Variants in NPHP4 observed in about 807,000 individuals in gnomAD.
The protein encoded by NPHP4 is nephrocystin-4.
In NPHP4, 151 loss-of-function variants were observed where a neutral mutation model predicts 155.8. That is an observed-to-expected ratio of 0.97 (90% CI 0.85 to 1.11). The LOEUF (loss-of-function observed/expected upper bound fraction) is 1.11. Ranked by LOEUF, NPHP4 falls within the 50% of genes least tolerant of loss-of-function variation. The pLI is 0.00. For synonymous variants in NPHP4, 845 were observed against 816.8 expected (o/e 1.03, Z -0.59); for missense variants, 1,956 against 1,925.7 (o/e 1.02, Z -0.29).
intron 11 of NPHP4, among the ~76,000 whole-genome samples, chr1:5,913,241 G>A (rs1196070399): frequency 4.0e-5 from 6 of 151,706 alleles, no homozygotes; most frequent in African/African-American, 1.2e-4. Flanking sequence ...AGATGGGGTT[G>A]CCAGCACACA....
chr1:5,934,533 C>T (rs12118477), intron 9 of NPHP4, among the ~76,000 whole-genome samples: 17,982 of 152,158 alleles, frequency 0.12, 1,367 homozygotes, highest in Non-Finnish European at 0.17. Flanking sequence ...CCACTTGCTA[C>T]GGCTTCCCCC....
rs928734701 is a variant in NPHP4 at position 5,944,889 on chromosome 1, G to A, written c.1119+2215C>T. ...GGAGACTGAGGCAGGAGAGTCACTT[G>A]AACCCAGGAGGCGGAGGTTGCAGTG... On this transcript the variant is annotated intron_variant, in intron 9 of 29. Transcript: ENST00000378156. This position sits in a 1 kb window ranked among gnomAD's most constrained non-coding sequence, Gnocchi z 4.3. 5.3e-5 allele frequency among the ~76,000 whole-genome samples: 8 copies of A among 152,108 alleles called. No homozygotes were observed. Among genetic ancestry groups the A allele is most frequent in the Non-Finnish European group, 8.8e-5 (6 of 68,014 alleles).
intron 13 of NPHP4, among the ~76,000 whole-genome samples, chr1:5,906,451 C>T (rs963048366): frequency 7.9e-5 from 12 of 152,228 alleles, no homozygotes; most frequent in African/African-American, 2.9e-4. Flanking sequence ...TCTCATGCGC[C>T]AATAATAAAA....
chr1:5,951,459 A>G (rs533758564), intron 7 of NPHP4, among the ~76,000 whole-genome samples: 1 of 152,242 alleles, frequency 6.6e-6, no homozygotes, highest in Non-Finnish European at 1.5e-5. Context: ...CCCACAACCC[A>G]GGTCTGAGGG....
chr1:5,981,703 A>G (rs1178475544), intron 2 of NPHP4, among the ~76,000 whole-genome samples: 1 of 152,256 alleles, frequency 6.6e-6, no homozygotes, highest in East Asian at 1.9e-4. Context: ...TATAGAATTT[A>G]TATGAATTCT....
chr1:5,963,542 G>A (rs896336057), intron 5 of NPHP4, among the ~76,000 whole-genome samples: 6 of 152,050 alleles, frequency 3.9e-5, no homozygotes, highest in African/African-American at 7.2e-5. Flanking sequence ...CTCTGGGGGC[G>A]GGGCACACAG....
rs1481579013 is a variant in NPHP4, at chr1:5,948,215, G to A, written c.847C>T (p.Leu283=). ...ACGCCCACACGCAGGCGCCGCTCCA[G>A]GATCTCCAGGGCACCACCGTCCAGT... ...GPLDGGALEI[L]ERRLRVGVHN... The change falls in exon 8 of 30, where the codon CTG becomes TTG. Residue 283 remains leucine, a synonymous_variant. Transcript: ENST00000378156. 1 of 1,596,192 alleles carries A rather than the reference G, an allele frequency of 6.3e-7. No individual in the cohort carries two copies. The highest frequency in any genetic ancestry group is 1.1e-5 in the South Asian group (1 of 88,938).
At chr1:5,919,595 T>A (rs796224782) in intron 11 of NPHP4, among the ~76,000 whole-genome samples, 24 of 152,270 alleles carry the variant, frequency 1.6e-4, no homozygotes, top group African/African-American at 5.8e-4. Context: ...ACAAGCCCCA[T>A]CTGAGTCAGC....
rs890957347 is a variant in NPHP4 at position 5,865,177 on chromosome 1, G to T, written c.3741C>A (p.Arg1247=). The T allele has an allele frequency of 3.7e-6, 6 of 1,613,076 alleles. No individual in the cohort carries two copies. In the Admixed American group the frequency reaches 6.7e-5, roughly 18 times the overall value. Reference sequence around the variant, plus strand: ...GTGTCCCCCGAAGGACAAGGGACAGGCGGGTCAGCTGGCCTGCGACGCAGG... The same window carrying T: ...GTGTCCCCCGAAGGACAAGGGACAGTCGGGTCAGCTGGCCTGCGACGCAGG... The part of the protein sequence containing the change: ...DVSCVAGQLT[R]LSLVLRGTQT... The change falls in exon 27 of 30, where the codon CGC becomes CGA. Residue 1247 remains arginine (R), a synonymous_variant. Transcript: ENST00000378156.
intron 1 of NPHP4, among the ~76,000 whole-genome samples, chr1:5,988,132 T>C (rs11120974): frequency 0.015 from 2,262 of 152,324 alleles, 54 homozygotes; most frequent in African/African-American, 0.052. Context: ...CCACCCAAAG[T>C]GCAAGACAGA....
rs943206678 is a variant in NPHP4 at position 5,873,752 on chromosome 1, G to A, written c.3232-417C>T. 8.5e-5 allele frequency: 24 copies of A among 283,710 alleles called. 1 individual carries two copies. The highest frequency in any genetic ancestry group is 7.0e-4 in the South Asian group (20 of 28,562). The allele number at this position is 283,710 out of a possible 1,614,324, so 17.6% of individuals were successfully genotyped here. ...ACCCCATGCCGGCCTCACGCACCCG[G>A]GCATGACACACCCCCTGCAGGCACA... is the stretch of plus-strand genomic sequence containing the variant. On this transcript the variant is annotated intron_variant, in intron 22 of 29. Coordinates refer to ENST00000378156, the MANE Select transcript of NPHP4 (RefSeq NM_015102.5).
chr1:5,894,045 T>C (rs1012134189), intron 16 of NPHP4, among the ~76,000 whole-genome samples: 4 of 152,244 alleles, frequency 2.6e-5, no homozygotes, highest in East Asian at 1.9e-4. Flanking sequence ...TGATTAATGA[T>C]ACTCATATAT....
At chr1:5,956,945 G>C (rs1047903980) in intron 6 of NPHP4, among the ~76,000 whole-genome samples, 8 of 152,174 alleles carry the variant, frequency 5.3e-5, no homozygotes, top group African/African-American at 1.9e-4. Context: ...ACGTGGAGCA[G>C]ACAACCGCCA....
chr1:5,902,963 T>C lies in NPHP4; in HGVS notation c.2143+1654A>G, dbSNP rs914101225. ...GGCCAGAGAAAGTTATAAAATTAGA[T>C]TTGATACCGATTCTCTCAGTATAGG... On this transcript the variant is annotated intron_variant, in intron 16 of 29. Coordinates refer to ENST00000378156, the MANE Select transcript of NPHP4 (RefSeq NM_015102.5). 3.4e-4 allele frequency among the ~76,000 whole-genome samples: 51 copies of C among 152,218 alleles called. 1 individual carries two copies. The highest frequency in any genetic ancestry group is 3.3e-3 in the Admixed American group (50 of 15,280).
At chr1:5,921,802 T>C (rs1645752086) in intron 11 of NPHP4, among the ~76,000 whole-genome samples, 1 of 152,258 alleles carries the variant, frequency 6.6e-6, no homozygotes, top group Non-Finnish European at 1.5e-5. Context: ...TTTTAGGCCA[T>C]CTGGAATTTA....
At chr1:5,925,894 C>T (rs945564135) in intron 11 of NPHP4, among the ~76,000 whole-genome samples, 6 of 152,178 alleles carry the variant, frequency 3.9e-5, no homozygotes, top group Non-Finnish European at 8.8e-5. Context: ...GGATTACAGG[C>T]GTGAGCCACC....
chr1:5,982,318 T>C (rs1654841596), intron 2 of NPHP4, among the ~76,000 whole-genome samples: 1 of 152,240 alleles, frequency 6.6e-6, no homozygotes, highest in African/African-American at 2.4e-5. Flanking sequence ...ATGTTTGATA[T>C]ACCGTTGTGT....
At chr1:5,982,968 C>A (rs1654948000) in intron 2 of NPHP4, among the ~76,000 whole-genome samples, 1 of 152,150 alleles carries the variant, frequency 6.6e-6, no homozygotes, top group Admixed American at 6.5e-5. Flanking sequence ...TCCATATGAA[C>A]TTGGGAAGAA....
At chr1:5,925,535 A>T (rs778256597) in intron 11 of NPHP4, among the ~76,000 whole-genome samples, 10 of 152,202 alleles carry the variant, frequency 6.6e-5, no homozygotes, top group Non-Finnish European at 1.2e-4. Flanking sequence ...TTTTATTTTT[A>T]AAATATAACT....
Sources: allele counts gnomAD v4.1 joint callset (sites outside exome capture counted in the v4.1 genomes callset), GRCh38; gene constraint gnomAD v4.1.1; non-coding constraint Gnocchi (gnomAD v3.1); transcripts MANE v1.5; gene names NCBI Gene and HGNC (gene_info 2026-07-23, HGNC 2026-07-21).